The following ULK3 variants were observed in gnomAD, a reference collection of about 807,000 sequenced individuals.
ULK3 encodes serine/threonine-protein kinase ULK3.
In ULK3, 54 loss-of-function variants were observed where a neutral mutation model predicts 69.4. The ratio of observed to expected loss-of-function variants is 0.78; its 90% confidence interval spans 0.63 to 0.98. The LOEUF (loss-of-function observed/expected upper bound fraction) is 0.98, where lower values mean the gene tolerates loss of function less well. ULK3 is among the 50% of genes least tolerant of loss of function. The pLI, the probability that ULK3 is intolerant of heterozygous loss-of-function variation, is 0.00. For missense variants in ULK3, 558 were observed against 627.7 expected (o/e 0.89, Z 1.19); for synonymous variants, 240 against 254.5 (o/e 0.94, Z 0.54).
rs1269439388 is a variant in ULK3 at position 74,842,486 on chromosome 15, C to A, written c.103-66G>T. On this transcript the variant is annotated intron_variant, in intron 1 of 15. Transcript: ENST00000440863. This position sits in a 1 kb window ranked among gnomAD's most constrained non-coding sequence, Gnocchi z 4.9. The stretch of plus-strand genomic sequence containing the variant: ...CAGGACCCTTGTCTGACTGGAAAGG[C>A]TCTATCTGGTTCCCTCTGTTCCCCC... 3 of 1,610,802 alleles carry A rather than the reference C, an allele frequency of 1.9e-6. No homozygotes were observed. Among genetic ancestry groups the A allele is most frequent in the Non-Finnish European group, 2.5e-6 (3 of 1,179,804 alleles).
chr15:74,838,870 T>G, intron 9 of ULK3, 125 bp from the exon 10 acceptor site: 1 of 1,400,762 alleles, frequency 7.1e-7, no homozygotes, highest in Non-Finnish European at 9.8e-7. Flanking sequence ...AGGGGGCAAA[T>G]GTGGCTGGCC....
Position 74,837,117 on chromosome 15 carries a change from C to T in ULK3, c.*111G>A. 1 of 1,424,912 alleles carries T rather than the reference C, an allele frequency of 7.0e-7. No individual in the cohort carries two copies. The highest frequency in any genetic ancestry group is 2.8e-5 in the Admixed American group (1 of 35,686). The allele number at this position is 1,424,912 out of a possible 1,614,324, so 88.3% of individuals were successfully genotyped here. ...TATGGGGGTCTCAGCACTGTCCATC[C>T]AAGAAGCCTGCTCGCCAGGGCTGCA... On this transcript the variant is annotated 3_prime_UTR_variant, in exon 16 of 16. Transcript: ENST00000440863.
rs182981716 is a variant in ULK3, at chr15:74,842,076, T to C, written c.363A>G (p.Leu121=). ...EKVARVFMQQ[L]ASALQFLHER... The stretch of plus-strand genomic sequence containing the variant: ...CAGGCTGGTGTCACAGGCCTTTACC[T>C]AATTGCTGCATGAAGACACGCGCCA... The change falls in exon 3 of 16, where the codon TTA becomes TTG. Residue 121 remains leucine (L), a splice_region_variant and synonymous_variant. Coordinates refer to ENST00000440863, the MANE Select transcript of ULK3 (RefSeq NM_001099436.4). The surrounding 1 kb of genome is among the most constrained non-coding windows in gnomAD (Gnocchi z 4.9). 1.9e-5 allele frequency: 30 copies of C among 1,613,736 alleles called. 1 individual carries two copies. The Admixed American group carries it at 4.7e-4, about 25-fold the overall frequency.
chr15:74,838,982 C>T (rs545798447), intron 9 of ULK3, 28 bp downstream of exon 9: 6 of 1,588,628 alleles, frequency 3.8e-6, no homozygotes, highest in East Asian at 4.6e-5. Context: ...CCCTGCCCCC[C>T]CACTTCCTCA....
In ULK3 at chr15:74,843,013, G is replaced by A. The variant is rs774909124; in HGVS notation, c.93C>T (p.Ala31=). Reference sequence around the variant, plus strand: ...ATCGGCCGGCACCCACCTTGGCGTAGGCCTTGTACACCGTGGCGTACGTGC... The same window carrying A: ...ATCGGCCGGCACCCACCTTGGCGTAAGCCTTGTACACCGTGGCGTACGTGC... The part of the protein sequence containing the change: ...GSGTYATVYK[A]YAKKDTREVV... Residue 31 remains alanine, a synonymous_variant, in exon 1 of 16, where the codon GCC becomes GCT. Transcript: ENST00000440863. 155 of 1,546,776 alleles carry A rather than the reference G, an allele frequency of 1.0e-4. No homozygotes were observed. The highest frequency in any genetic ancestry group is 1.8e-4 in the Admixed American group (9 of 50,586).
At chr15:74,839,106 C>T (rs886471583) in intron 8 of ULK3, 56 bp from the exon 9 acceptor site, 8 of 1,569,420 alleles carry the variant, frequency 5.1e-6, no homozygotes, top group Admixed American at 3.8e-5. Context: ...TGCCCCACAA[C>T]GAACCCTCTG....
At position 74,836,813 on chromosome 15, in the gene ULK3, G is replaced by A. The variant is rs2141128120; in HGVS notation, c.*415C>T. ...AGCTGAGTTGGAATAAGGGGTCCCG[G>A]GAAGGGCAGGCCAGGGGCACAGCTG... On this transcript the variant is annotated 3_prime_UTR_variant, in exon 16 of 16. Coordinates refer to ENST00000440863, the MANE Select transcript of ULK3 (RefSeq NM_001099436.4). The surrounding 1 kb of genome is among the most constrained non-coding windows in gnomAD (Gnocchi z 4.0). 5.8e-6 allele frequency: 1 copy of A among 172,252 alleles called. No individual in the cohort carries two copies. The highest frequency in any genetic ancestry group is 1.3e-5 in the Non-Finnish European group (1 of 79,762). The allele number at this position is 172,252 out of a possible 1,614,324, so 10.7% of individuals were successfully genotyped here. A position where few individuals can be genotyped will look rare whatever the true frequency, so the allele number is the denominator to read the frequency against.
chr15:74,837,596 G>A (rs980711817), intron 14 of ULK3, among the ~76,000 whole-genome samples, 155 bp downstream of exon 14: 2 of 150,236 alleles, frequency 1.3e-5, no homozygotes, highest in South Asian at 2.1e-4. Flanking sequence ...GCGCAGTGCC[G>A]AGCAAGAGAG....
At chr15:74,840,750 A>G (rs1214467041) in intron 4 of ULK3, 109 bp from the exon 5 acceptor site, 1 of 1,391,424 alleles carries the variant, frequency 7.2e-7, no homozygotes, top group South Asian at 1.5e-5. Context: ...GCCAGGATCA[A>G]CCCTATTTCC....
rs1354011103 is a variant in ULK3 at position 74,843,036 on chromosome 15, T to A, written c.70A>T (p.Thr24Ser). ...FILTERLGSG[T>S]YATVYKAYAK... ...TAGGCCTTGTACACCGTGGCGTACG[T>A]GCCGCTGCCCAGGCGCTCGGTGAGG... Residue 24 changes from threonine to serine, a missense_variant, in exon 1 of 16, where the codon ACG becomes TCG. Physicochemically the swap from Thr to Ser is moderately conservative, Grantham distance 58. Coordinates refer to ENST00000440863, the MANE Select transcript of ULK3 (RefSeq NM_001099436.4). 7 of 1,529,414 alleles carry A rather than the reference T, an allele frequency of 4.6e-6. No individual in the cohort carries two copies. The highest frequency in any genetic ancestry group is 6.2e-6 in the Non-Finnish European group (7 of 1,136,428). 94.7% of individuals were successfully genotyped at this position (1,529,414 alleles called of 1,614,324 possible).
At chr15:74,840,401 G>A in intron 5 of ULK3, 85 bp from the exon 6 acceptor site, 1 of 1,567,832 alleles carries the variant, frequency 6.4e-7, no homozygotes, top group Non-Finnish European at 8.6e-7. Flanking sequence ...TGGGCCAGCA[G>A]TCAGTTTTCA....
intron 5 of ULK3, 51 bp downstream of exon 5, chr15:74,840,447 C>A: frequency 1.9e-6 from 3 of 1,577,474 alleles, no homozygotes; most frequent in Non-Finnish European, 2.6e-6. Context: ...AGAGGCCTTG[C>A]CTGAGGAAAC....
In ULK3 at chr15:74,840,578, A is replaced by T. The variant is rs2064211534; in HGVS notation, c.533T>A (p.Leu178His). Residue 178 changes from leucine (L) to histidine (H), a missense_variant, in exon 5 of 16, where the codon CTC becomes CAC. Physicochemically the swap from Leu to His is moderately conservative, Grantham distance 99. Transcript: ENST00000440863. The part of the protein sequence containing the change: ...DEKHVLRGSP[L>H]YMAPEMVCQR... ...GCACACCATCTCGGGGGCCATGTAG[A>T]GGGGGGAGCCACGGAGCACGTGCTT... 1 of 1,608,554 alleles carries T rather than the reference A, an allele frequency of 6.2e-7. No homozygotes were observed. Among genetic ancestry groups the T allele is most frequent in the South Asian group, 1.1e-5 (1 of 90,580 alleles).
At chr15:74,838,397 T>G in intron 11 of ULK3, 43 bp downstream of exon 11, 1 of 1,561,826 alleles carries the variant, frequency 6.4e-7, no homozygotes, top group Non-Finnish European at 8.7e-7. Context: ...GGTATCTCCC[T>G]GCCCTGCCCC....
intron 13 of ULK3, 79 bp from the exon 14 acceptor site, chr15:74,837,877 CT>C: frequency 2.1e-6 from 3 of 1,407,966 alleles, no homozygotes; most frequent in Non-Finnish European, 2.0e-6. Context: ...CTCCTCACCC[CT>C]GATGCTCTCC....
Position 74,837,215 on chromosome 15 carries a change from C to A in ULK3, c.*13G>T, listed in dbSNP as rs752516059. 1 of 1,550,412 alleles carries A rather than the reference C, an allele frequency of 6.4e-7. No homozygotes were observed. The highest frequency in any genetic ancestry group is 8.7e-7 in the Non-Finnish European group (1 of 1,146,404). ...TCCAGATGGCTCACATCTGTCCAAT[C>A]ATTCTTCTAGGGTCACTGAAGGGTG... On this transcript the variant is annotated 3_prime_UTR_variant, in exon 16 of 16. Transcript: ENST00000440863.
Position 74,840,600 on chromosome 15 carries a change from G to T in ULK3, c.511C>A (p.His171Asn). 1 of 1,603,194 alleles carries T rather than the reference G, an allele frequency of 6.2e-7. No homozygotes were observed. Among genetic ancestry groups the T allele is most frequent in the Non-Finnish European group, 8.5e-7 (1 of 1,175,960 alleles). ...AQHMSPWDEK[H>N]VLRGSPLYMA... The stretch of plus-strand genomic sequence containing the variant: ...TAGAGGGGGGAGCCACGGAGCACGT[G>T]CTTCTCATCCCACGGGGACATGTGT... The change falls in exon 5 of 16, where the codon CAC (histidine) becomes AAC (asparagine). Residue 171 changes from histidine (H) to asparagine (N), a missense_variant. His to Asn is a moderately conservative substitution (Grantham distance 68, BLOSUM62 1). Transcript: ENST00000440863.
rs1195407786 is a variant in ULK3 at position 74,842,507 on chromosome 15, C to T, written c.103-87G>A. 3 of 1,604,912 alleles carry T rather than the reference C, an allele frequency of 1.9e-6. No individual in the cohort carries two copies. The highest frequency in any genetic ancestry group is 1.7e-6 in the Non-Finnish European group (2 of 1,179,604). On this transcript the variant is annotated intron_variant, in intron 1 of 15. Transcript: ENST00000440863. The surrounding 1 kb of genome is among the most constrained non-coding windows in gnomAD (Gnocchi z 4.9). ...AAGGCTCTATCTGGTTCCCTCTGTT[C>T]CCCCACCCCGCCCCTCCCCGGGTCT... is the stretch of plus-strand genomic sequence containing the variant.
chr15:74,838,030 C>T, intron 13 of ULK3, 122 bp downstream of exon 13: 1 of 1,448,888 alleles, frequency 6.9e-7, no homozygotes. Flanking sequence ...TATGGTTTGA[C>T]TTCCAGACTT....
Sources: gnomAD v4.1 joint callset for allele counts (sites outside exome capture counted in the v4.1 genomes callset) on GRCh38, gnomAD v4.1.1 for gene constraint, Gnocchi (gnomAD v3.1) non-coding constraint, MANE v1.5 for transcripts, NCBI Gene and HGNC (gene_info 2026-07-23, HGNC 2026-07-21) for gene names.